The following SHROOM3 variants were observed in gnomAD, a reference collection of about 807,000 sequenced individuals.
SHROOM3 encodes shroom family member 3, also known as protein Shroom3.
Under a neutral mutation model 138.6 loss-of-function variants are expected in SHROOM3, and 47 were observed. The ratio of observed to expected loss-of-function variants is 0.34; its 90% CI spans 0.27 to 0.43. SHROOM3 has a LOEUF of 0.43. SHROOM3 is among the 20% of genes least tolerant of loss of function. The pLI is 1.00. For synonymous variants in SHROOM3, 1,062 were observed against 1,063.3 expected, an observed-to-expected ratio of 1.00 and a Z score of 0.02; for missense variants, 2,491 against 2,596.5, an observed-to-expected ratio of 0.96 and a Z score of 0.88.
At chr4:76,747,730 G>A (rs1721486980) in intron 5 of SHROOM3, among the ~76,000 whole-genome samples, 1 of 152,092 alleles carries the variant, frequency 6.6e-6, no homozygotes, top group African/African-American at 2.4e-5. Flanking sequence ...TAAATTTCAT[G>A]GAGAGCAGGA....
intron 6 of SHROOM3, among the ~76,000 whole-genome samples, chr4:76,750,823 A>AC (rs1443345465): frequency 1.3e-5 from 2 of 152,192 alleles, no homozygotes; most frequent in African/African-American, 4.8e-5. Context: ...AAAAAAAAAA[A>AC]AAACTTTCTG....
chr4:76,662,942 A>AGAGAGGGAGAGGGAGGGG (rs1718580674), intron 2 of SHROOM3, among the ~76,000 whole-genome samples: 1 of 151,312 alleles, frequency 6.6e-6, no homozygotes, highest in Non-Finnish European at 1.5e-5. Context: ...AGAGGGAGGG[A>AGAGAGGGAGAGGGAGGGG]GAGAGGGAGA....
chr4:76,454,874 G>A (rs1056072451), intron 1 of SHROOM3, among the ~76,000 whole-genome samples: 7 of 152,030 alleles, frequency 4.6e-5, no homozygotes, highest in African/African-American at 1.7e-4. Flanking sequence ...TGCCTCCTTG[G>A]TTAAGTTTAT....
At chr4:76,755,457 A>G (rs557907801) in intron 7 of SHROOM3, among the ~76,000 whole-genome samples, 14 of 152,308 alleles carry the variant, frequency 9.2e-5, no homozygotes, top group Admixed American at 2.6e-4. Flanking sequence ...AGGCGGTCCA[A>G]GTAAATCCCT....
At chr4:76,512,553 G>T (rs761137253) in intron 1 of SHROOM3, among the ~76,000 whole-genome samples, 3 of 152,194 alleles carry the variant, frequency 2.0e-5, no homozygotes, top group Non-Finnish European at 4.4e-5. Flanking sequence ...CCTCTGCAGG[G>T]TGCTTGGGGA....
intron 2 of SHROOM3, among the ~76,000 whole-genome samples, chr4:76,619,140 G>C (rs941261236): frequency 7.9e-5 from 12 of 152,156 alleles, no homozygotes; most frequent in African/African-American, 2.7e-4. Flanking sequence ...GAGCCACTGT[G>C]CCCAGGCTTC....
intron 10 of SHROOM3, among the ~76,000 whole-genome samples, chr4:76,775,522 T>G (rs1412946668): frequency 2.6e-5 from 4 of 152,108 alleles, no homozygotes; most frequent in African/African-American, 9.7e-5. Context: ...ATCTATCATT[T>G]GATCCAGCAG....
At chr4:76,738,177 C>A (rs1257846941) in intron 4 of SHROOM3, among the ~76,000 whole-genome samples, 5 of 152,168 alleles carry the variant, frequency 3.3e-5, no homozygotes, top group African/African-American at 1.2e-4. Context: ...TAATTTCTCT[C>A]ATTCAGCTTT....
intron 2 of SHROOM3, among the ~76,000 whole-genome samples, chr4:76,595,309 C>T (rs1734357751): frequency 6.6e-6 from 1 of 152,184 alleles, no homozygotes; most frequent in Non-Finnish European, 1.5e-5. Context: ...AACGTCAGTT[C>T]CATTGCTCTG....
intron 2 of SHROOM3, among the ~76,000 whole-genome samples, chr4:76,636,654 A>G (rs1202736741): frequency 6.6e-6 from 1 of 152,114 alleles, no homozygotes; most frequent in African/African-American, 2.4e-5. Flanking sequence ...GGTTTTCCCC[A>G]GGGACTCTGT....
chr4:76,506,672 T>C (rs1732218033), intron 1 of SHROOM3, among the ~76,000 whole-genome samples: 1 of 152,196 alleles, frequency 6.6e-6, no homozygotes, highest in Non-Finnish European at 1.5e-5. Context: ...TGGCTACAGA[T>C]ACTAGTAACC....
chr4:76,534,931 C>T (rs1019826201), intron 1 of SHROOM3, among the ~76,000 whole-genome samples: 1 of 152,114 alleles, frequency 6.6e-6, no homozygotes, highest in African/African-American at 2.4e-5. Context: ...CTCCCCAGAT[C>T]CATTTTTGCA....
intron 1 of SHROOM3, among the ~76,000 whole-genome samples, chr4:76,456,717 G>A (rs984096650): frequency 3.3e-5 from 5 of 152,206 alleles, no homozygotes; most frequent in African/African-American, 1.2e-4. Context: ...TGTTTCATGC[G>A]CGTCCGTGTA....
At chr4:76,537,852 T>C (rs1461143373) in intron 1 of SHROOM3, among the ~76,000 whole-genome samples, 1 of 152,186 alleles carries the variant, frequency 6.6e-6, no homozygotes, top group East Asian at 1.9e-4. Flanking sequence ...TAAAGGTGAT[T>C]ATGGTGATGG....
chr4:76,459,175 C>T (rs1731091003), intron 1 of SHROOM3, among the ~76,000 whole-genome samples: 1 of 152,110 alleles, frequency 6.6e-6, no homozygotes, highest in African/African-American at 2.4e-5. Context: ...TGAACATAAC[C>T]AGTAAAGGAA....
chr4:76,705,828 A>G (rs1400342241), intron 2 of SHROOM3, among the ~76,000 whole-genome samples: 1 of 152,202 alleles, frequency 6.6e-6, no homozygotes, highest in East Asian at 1.9e-4. Flanking sequence ...AGTTTTGCCA[A>G]CAAGTTAACT....
At chr4:76,678,623 G>A (rs575230968) in intron 2 of SHROOM3, among the ~76,000 whole-genome samples, 10 of 152,048 alleles carry the variant, frequency 6.6e-5, no homozygotes, top group Non-Finnish European at 1.2e-4. Flanking sequence ...CTGATATGAC[G>A]CAAAGACATG....
rs1721211393 is a variant in SHROOM3, at chr4:76,740,502, C to T, written c.2329C>T (p.Pro777Ser). 1.2e-6 allele frequency: 2 copies of T among 1,613,370 alleles called. No homozygotes were observed. Among genetic ancestry groups the T allele is most frequent in the African/African-American group, 1.3e-5 (1 of 74,914 alleles). ...SALQGFQYGK[P>S]HCSVLEKVSK... The stretch of plus-strand genomic sequence containing the variant: ...TCTTCAGGGCTTTCAGTACGGGAAG[C>T]CCCACTGCTCGGTGCTGGAGAAGGT... The change falls in exon 5 of 11, where the codon CCC becomes TCC. Residue 777 changes from proline (P) to serine (S), a missense_variant. Around this residue, in one of 4 missense-constraint regions of SHROOM3, gnomAD observed 1,733 missense variants for 1,661.6 expected, o/e 1.04. Coordinates refer to ENST00000296043, the MANE Select transcript of SHROOM3 (RefSeq NM_020859.4). The surrounding 1 kb of genome is among the most constrained non-coding windows in gnomAD (Gnocchi z 4.0).
Position 76,740,121 on chromosome 4 carries a change from A to C in SHROOM3, c.1948A>C (p.Ser650Arg). 6.2e-7 allele frequency: 1 copy of C among 1,613,846 alleles called. No individual in the cohort carries two copies. The highest frequency in any genetic ancestry group is 8.5e-7 in the Non-Finnish European group (1 of 1,180,030). Residue 650 changes from serine (S) to arginine (R), a missense_variant, in exon 5 of 11, where the codon AGC (serine) becomes CGC (arginine). Physicochemically the swap from Ser to Arg is moderately radical, Grantham distance 110. Coordinates refer to ENST00000296043, the MANE Select transcript of SHROOM3 (RefSeq NM_020859.4). The surrounding 1 kb of genome is among the most constrained non-coding windows in gnomAD (Gnocchi z 4.0). ...RRLEREGLGQSLSGNFGKTKS... is the reference protein window; with the variant it reads ...RRLEREGLGQRLSGNFGKTKS... ...GCTGGAGAGAGAAGGCCTAGGCCAGAGCCTGTCAGGCAACTTTGGCAAGAC... is the reference window on the plus strand; with the variant it reads ...GCTGGAGAGAGAAGGCCTAGGCCAGCGCCTGTCAGGCAACTTTGGCAAGAC...
Sources: gnomAD v4.1 joint callset for allele counts (sites outside exome capture counted in the v4.1 genomes callset) on GRCh38, gnomAD v4.1.1 for gene constraint, gnomAD v4.1.1 regional missense constraint, Gnocchi (gnomAD v3.1) non-coding constraint, MANE v1.5 for transcripts, NCBI Gene and HGNC (gene_info 2026-07-23, HGNC 2026-07-21) for gene names.